Variants in DCAF8L2 observed in about 807,000 individuals in gnomAD.
The protein encoded by DCAF8L2 is DDB1- and CUL4-associated factor 8-like protein 2.
For synonymous variants in DCAF8L2, 200 were observed against 190.9 expected (o/e 1.05, Z -0.39); for missense variants, 430 against 490.7 (o/e 0.88, Z 1.17).
intron 4 of DCAF8L2, among the ~76,000 whole-genome samples, chrX:27,737,367 T>C (rs1417955823): frequency 9.0e-6 from 1 of 111,600 alleles, no homozygotes; most frequent in Non-Finnish European, 1.9e-5. Context: ...CTCTCCTCCC[T>C]CCTGTCACAG....
chrX:27,746,780 C>T, intron 4 of DCAF8L2, 58 bp from the exon 5 acceptor site: 1 of 656,229 alleles, frequency 1.5e-6, no homozygotes, highest in Non-Finnish European at 2.3e-6. Flanking sequence ...GTTTGATTGC[C>T]ACGCGCTTAC....
chrX:27,620,614 G>A (rs1416633608), intron 1 of DCAF8L2, among the ~76,000 whole-genome samples: 1 of 111,855 alleles, frequency 8.9e-6, no homozygotes, highest in East Asian at 2.8e-4. Context: ...AAACTACAAT[G>A]ATGTAATACT....
chrX:27,583,083 T>C, the DCAF8L2 span, among the ~76,000 whole-genome samples: 1 of 111,752 alleles, frequency 8.9e-6, no homozygotes, highest in Non-Finnish European at 1.9e-5. Flanking sequence ...CTATTTCTCT[T>C]TTTCTTTCTA....
At chrX:27,543,945 A>C in the DCAF8L2 span, among the ~76,000 whole-genome samples, 1 of 112,171 alleles carries the variant, frequency 8.9e-6, no homozygotes, top group South Asian at 3.7e-4. Flanking sequence ...TGAAAACAGA[A>C]GTAGCTCTAC....
chrX:27,712,081 T>C (rs1040303174), intron 3 of DCAF8L2, among the ~76,000 whole-genome samples: 5 of 111,515 alleles, frequency 4.5e-5, no homozygotes, highest in African/African-American at 1.6e-4. Context: ...TTTCTTTCTA[T>C]CATTTTTTAT....
In DCAF8L2 at chrX:27,747,288, G is replaced by GGAGGAA. The variant is rs1922255191; in HGVS notation, c.398_399insAGAGGA (p.Glu146_Glu147dup). On this transcript the variant is annotated inframe_insertion, in exon 5 of 5. Transcript: ENST00000451261. ...AGGGAGGGGAGGAGGAGGAAGAGGA[G>GGAGGAA]GAGGAGGAGGAGGAGGAGGAGGAGG... The GGAGGAA allele has an allele frequency of 9.4e-6, 4 of 425,865 alleles. No homozygotes were observed. The highest frequency in any genetic ancestry group is 1.2e-5 in the Non-Finnish European group (4 of 343,960). 35.1% of individuals were successfully genotyped at this position (425,865 alleles called of 1,213,427 possible).
chrX:27,500,037 G>A, the DCAF8L2 span, among the ~76,000 whole-genome samples: 10 of 111,422 alleles, frequency 9.0e-5, no homozygotes, highest in Non-Finnish European at 1.7e-4. Flanking sequence ...AGGAAATCTT[G>A]GCAAATCCAA....
chrX:27,499,488 G>T, the DCAF8L2 span, among the ~76,000 whole-genome samples: 1 of 111,758 alleles, frequency 8.9e-6, no homozygotes, highest in African/African-American at 3.3e-5. Flanking sequence ...GAATTAGTCT[G>T]TTCTCACACT....
chrX:27,514,689 A>AC, the DCAF8L2 span, among the ~76,000 whole-genome samples: 2 of 77,901 alleles, frequency 2.6e-5, no homozygotes, highest in Non-Finnish European at 4.7e-5. Flanking sequence ...AAAAAAAAAA[A>AC]AAAAAACAAA....
At chrX:27,743,365 T>C (rs949612821) in intron 4 of DCAF8L2, among the ~76,000 whole-genome samples, 2 of 111,293 alleles carry the variant, frequency 1.8e-5, no homozygotes, top group African/African-American at 3.3e-5. Context: ...GGAGAAAACA[T>C]AGCAAAAGGG....
At chrX:27,514,549 G>A in the DCAF8L2 span, among the ~76,000 whole-genome samples, 3 of 102,110 alleles carry the variant, frequency 2.9e-5, no homozygotes, top group African/African-American at 7.2e-5. Context: ...GGCGCCTGTA[G>A]TCCCAGCTAC....
the DCAF8L2 span, among the ~76,000 whole-genome samples, chrX:27,473,964 C>CA: frequency 4.6e-3 from 494 of 106,667 alleles, no homozygotes; most frequent in African/African-American, 0.015. Context: ...CAAAGGAAAG[C>CA]AAAAAAAAAT....
intron 1 of DCAF8L2, among the ~76,000 whole-genome samples, chrX:27,610,823 T>C (rs1222880631): frequency 1.8e-5 from 2 of 112,646 alleles, no homozygotes; most frequent in Non-Finnish European, 3.7e-5. Context: ...CTGTAGACTA[T>C]GGCACACTTC....
At chrX:27,646,105 T>A (rs906565838) in intron 2 of DCAF8L2, among the ~76,000 whole-genome samples, 4 of 111,715 alleles carry the variant, frequency 3.6e-5, no homozygotes, top group African/African-American at 1.3e-4. Flanking sequence ...CATATAGCCA[T>A]GACAATCCTA....
intron 2 of DCAF8L2, among the ~76,000 whole-genome samples, chrX:27,665,971 A>T (rs1356583283): frequency 8.9e-6 from 1 of 111,758 alleles, no homozygotes; most frequent in East Asian, 2.8e-4. Context: ...GCTTTATTGT[A>T]GTCGTCTGGA....
At chrX:27,689,429 A>C (rs1451423017) in intron 3 of DCAF8L2, among the ~76,000 whole-genome samples, 1 of 112,091 alleles carries the variant, frequency 8.9e-6, no homozygotes, top group Admixed American at 9.4e-5. Flanking sequence ...TATTTTTAGT[A>C]GAGACGGGTT....
the DCAF8L2 span, among the ~76,000 whole-genome samples, chrX:27,571,796 C>T: frequency 9.0e-6 from 1 of 111,472 alleles, no homozygotes; most frequent in Admixed American, 9.6e-5. Context: ...CATGCAAAGA[C>T]TACATAGATA....
At chrX:27,720,983 T>C (rs1931882975) in intron 4 of DCAF8L2, among the ~76,000 whole-genome samples, 1 of 111,911 alleles carries the variant, frequency 8.9e-6, no homozygotes, top group South Asian at 3.6e-4. Context: ...GATTAATTTG[T>C]TTATATTGTA....
At chrX:27,507,955 T>C in the DCAF8L2 span, among the ~76,000 whole-genome samples, 1 of 111,822 alleles carries the variant, frequency 8.9e-6, no homozygotes, top group South Asian at 3.7e-4. Context: ...CAAAGATAGA[T>C]GGCAGTTATT....
Sources: allele counts gnomAD v4.1 joint callset (sites outside exome capture counted in the v4.1 genomes callset), GRCh38; gene constraint gnomAD v4.1.1; transcripts MANE v1.5; gene names NCBI Gene and HGNC (gene_info 2026-07-23, HGNC 2026-07-21).